KMO: variants seen among roughly 807,000 people sequenced by gnomAD.
KMO encodes the protein kynurenine 3-monooxygenase.
KMO carries 24 observed loss-of-function variants against 57.8 expected under a neutral mutation model. The ratio of observed to expected loss-of-function variants is 0.42; its 90% confidence interval spans 0.30 to 0.58. The LOEUF (loss-of-function observed/expected upper bound fraction) is 0.58, where lower values mean the gene tolerates loss of function less well. Among genes scored for constraint, KMO ranks in the 20% least tolerant of loss-of-function variants. The pLI, the probability that KMO is intolerant of heterozygous loss-of-function variation, is 0.22. For synonymous variants in KMO, 210 were observed against 193.6 expected (o/e 1.08, Z -0.70); for missense variants, 483 against 588.2 (o/e 0.82, Z 1.85).
chr1:241,549,209 G>GA (rs1330675748), intron 2 of KMO, among the ~76,000 whole-genome samples: 2 of 4,132 alleles, frequency 4.8e-4, no homozygotes, highest in African/African-American at 8.6e-4. Flanking sequence ...AAGGAAGAAA[G>GA]AAAGAAAGAA....
chr1:241,590,906 A>G (rs911574365), intron 14 of KMO, among the ~76,000 whole-genome samples: 8 of 152,190 alleles, frequency 5.3e-5, no homozygotes, highest in African/African-American at 1.9e-4. Flanking sequence ...GGACAGGGGA[A>G]GGCGGAAGAC....
At chr1:241,536,862 C>T (rs999775370) in intron 1 of KMO, among the ~76,000 whole-genome samples, 13 of 152,120 alleles carry the variant, frequency 8.5e-5, no homozygotes, top group Non-Finnish European at 8.8e-5. Context: ...TCAGTGGCCT[C>T]TGCTGATGAA....
Position 241,568,606 on chromosome 1 carries a change from G to A in KMO, c.916G>A (p.Ala306Thr), listed in dbSNP as rs1302371427. Residue 306 changes from alanine to threonine, a missense_variant, in exon 10 of 15, where the codon GCT (alanine) becomes ACT (threonine). Ala to Thr is a moderately conservative substitution (Grantham distance 58). Coordinates refer to ENST00000366559, the MANE Select transcript of KMO (RefSeq NM_003679.5). ...KSHCVLLGDA[A>T]HAIVPFFGQG... ...TCACTGTGTACTGCTGGGAGATGCA[G>A]CTCATGCTATAGTGCCGTTTTTTGG... 6.2e-7 allele frequency: 1 copy of A among 1,613,912 alleles called. No individual in the cohort carries two copies. Among genetic ancestry groups the A allele is most frequent in the Non-Finnish European group, 8.5e-7 (1 of 1,179,880 alleles).
chr1:241,548,797 A>G (rs1457241994), intron 1 of KMO, 32 bp from the exon 2 acceptor site: 1 of 1,350,282 alleles, frequency 7.4e-7, no homozygotes, highest in Admixed American at 1.7e-5. Context: ...TTGTGGAATC[A>G]GATAAATATT....
chr1:241,563,770 A>G (rs1215343909), intron 7 of KMO, among the ~76,000 whole-genome samples: 8 of 152,230 alleles, frequency 5.3e-5, no homozygotes, highest in African/African-American at 7.2e-5. Flanking sequence ...AGGCATGGCA[A>G]TGTGACTCAG....
At chr1:241,562,699 G>A (rs533565076) in intron 7 of KMO, among the ~76,000 whole-genome samples, 12 of 152,164 alleles carry the variant, frequency 7.9e-5, no homozygotes, top group East Asian at 7.7e-4. Flanking sequence ...AATTAGCCAG[G>A]GATGTGGCAC....
intron 3 of KMO, chr1:241,550,020 G>A (rs111304959): frequency 1.3e-3 from 496 of 368,256 alleles, no homozygotes; most frequent in African/African-American, 9.4e-3. Flanking sequence ...AGGATGGTGC[G>A]TCACTGCCTG....
intron 1 of KMO, among the ~76,000 whole-genome samples, chr1:241,545,927 A>G (rs559821352): frequency 6.6e-4 from 101 of 152,326 alleles, no homozygotes; most frequent in African/African-American, 2.3e-3. Context: ...AATGGCTAAA[A>G]GAAGGATAGC....
chr1:241,552,136 C>T (rs906903052), intron 4 of KMO, among the ~76,000 whole-genome samples: 13 of 150,766 alleles, frequency 8.6e-5, no homozygotes, highest in Non-Finnish European at 1.6e-4. Context: ...CACCATCACC[C>T]CACCACCTTG....
At chr1:241,536,168 T>G (rs1165944246) in intron 1 of KMO, among the ~76,000 whole-genome samples, 1 of 152,106 alleles carries the variant, frequency 6.6e-6, no homozygotes, top group East Asian at 1.9e-4. Flanking sequence ...AATGAGTAAC[T>G]TAAAAAAGGA....
In KMO at chr1:241,568,744, A is replaced by G. The variant is rs1263003694; in HGVS notation, c.957+97A>G. The G allele has an allele frequency of 8.0e-6, 9 of 1,126,106 alleles. No individual in the cohort carries two copies. The East Asian group carries it at 1.6e-4, about 20-fold the overall frequency. The allele number at this position is 1,126,106 out of a possible 1,614,324, so 69.8% of individuals were successfully genotyped here. On this transcript the variant is annotated intron_variant, in intron 10 of 14. Transcript: ENST00000366559. ...AAAATATGTCTAAGACTATCCCCAC[A>G]TAATCCCTGAAAGCACAATCAATTC...
intron 9 of KMO, among the ~76,000 whole-genome samples, chr1:241,567,633 G>C (rs1662132696): frequency 6.6e-6 from 1 of 152,142 alleles, no homozygotes; most frequent in African/African-American, 2.4e-5. Flanking sequence ...CTACCATGGG[G>C]CATTTGTGAA....
chr1:241,580,996 T>C (rs1447334429), intron 10 of KMO, among the ~76,000 whole-genome samples: 1 of 152,142 alleles, frequency 6.6e-6, no homozygotes, highest in African/African-American at 2.4e-5. Context: ...TTGCTTTCTA[T>C]ATCTGGGTGC....
Position 241,588,896 on chromosome 1 carries a change from CT to C in KMO, c.1098+71del, listed in dbSNP as rs1454005570. 14 of 1,232,802 alleles carry C rather than the reference CT, an allele frequency of 1.1e-5. No individual in the cohort carries two copies. In the African/African-American group the frequency reaches 2.1e-4, roughly 18 times the overall value. 76.4% of individuals were successfully genotyped at this position (1,232,802 alleles called of 1,614,324 possible). A position where few individuals can be genotyped will look rare whatever the true frequency, so the allele number is the denominator to read the frequency against. On this transcript the variant is annotated intron_variant, in intron 12 of 14. Transcript: ENST00000366559. Reference sequence around the variant, plus strand: ...CTGATATTCTAACAAGTGTTCTTTTCTTTTTCTTTGCTTCAGCCCCCATCTC... The same window carrying C: ...CTGATATTCTAACAAGTGTTCTTTTCTTTTCTTTGCTTCAGCCCCCATCTC...
rs1229073662 is a variant in KMO, at chr1:241,592,209, GA to G, written c.*63del. ...TTTCTCTGTGACCAAAATTAAGCAT[GA>G]AAAAAATGTTTCCATTGCCATATTT... On this transcript the variant is annotated 3_prime_UTR_variant, in exon 15 of 15. Coordinates refer to ENST00000366559, the MANE Select transcript of KMO (RefSeq NM_003679.5). The G allele has an allele frequency of 3.7e-6, 5 of 1,348,022 alleles. No homozygotes were observed. The highest frequency in any genetic ancestry group is 2.9e-5 in the African/African-American group (2 of 68,546). 83.5% of individuals were successfully genotyped at this position (1,348,022 alleles called of 1,614,324 possible).
rs749592598 is a variant in KMO, at chr1:241,594,164, C to T, written c.*2011C>T. 134 of 382,058 alleles carry T rather than the reference C, an allele frequency of 3.5e-4. No homozygotes were observed. Among genetic ancestry groups the T allele is most frequent in the Middle Eastern group, 6.7e-4 (1 of 1,488 alleles). 23.7% of individuals were successfully genotyped at this position (382,058 alleles called of 1,614,324 possible). A position where few individuals can be genotyped will look rare whatever the true frequency, so the allele number is the denominator to read the frequency against. On this transcript the variant is annotated 3_prime_UTR_variant, in exon 15 of 15. Coordinates refer to ENST00000366559, the MANE Select transcript of KMO (RefSeq NM_003679.5). Reference sequence around the variant, plus strand: ...ATATATTTGAAATGAAAATCTCCAACACATTAGAAGATGATGATGTTAGAT... The same window carrying T: ...ATATATTTGAAATGAAAATCTCCAATACATTAGAAGATGATGATGTTAGAT...
chr1:241,573,545 T>A (rs1662388272), intron 10 of KMO, among the ~76,000 whole-genome samples: 1 of 152,298 alleles, frequency 6.6e-6, no homozygotes, highest in African/African-American at 2.4e-5. Context: ...CTTGCCTCAA[T>A]TTATGTTTTT....
Position 241,565,027 on chromosome 1 carries a change from A to G in KMO, c.656A>G (p.Asn219Ser). ...AATTATCTGCATATTTGGCCTAGAAATACCTTTATGATGATTGCACTTCCT... is the reference window on the plus strand; with the variant it reads ...AATTATCTGCATATTTGGCCTAGAAGTACCTTTATGATGATTGCACTTCCT... ...EPNYLHIWPR[N>S]TFMMIALPNM... Residue 219 changes from asparagine (N) to serine (S), a missense_variant, in exon 8 of 15, where the codon AAT (asparagine) becomes AGT (serine). Coordinates refer to ENST00000366559, the MANE Select transcript of KMO (RefSeq NM_003679.5). The G allele has an allele frequency of 6.2e-7, 1 of 1,607,026 alleles. No individual in the cohort carries two copies. Among genetic ancestry groups the G allele is most frequent in the Middle Eastern group, 1.7e-4 (1 of 6,042 alleles).
chr1:241,559,557 A>G (rs1041586304), intron 5 of KMO, among the ~76,000 whole-genome samples: 2 of 152,192 alleles, frequency 1.3e-5, no homozygotes, highest in Non-Finnish European at 2.9e-5. Flanking sequence ...CTTCTTCTAC[A>G]TAGATGAATT....
Sources: gnomAD v4.1 joint callset for allele counts (sites outside exome capture counted in the v4.1 genomes callset) on GRCh38, gnomAD v4.1.1 for gene constraint, MANE v1.5 for transcripts, NCBI Gene and HGNC (gene_info 2026-07-23, HGNC 2026-07-21) for gene names.